Variants in CNTNAP2 observed in about 807,000 individuals in gnomAD.
The protein encoded by CNTNAP2 is contactin-associated protein-like 2.
A neutral mutation model predicts 155.2 loss-of-function variants in CNTNAP2; 98 were observed. That is an observed-to-expected ratio of 0.63 (90% CI 0.54 to 0.75). The LOEUF (loss-of-function observed/expected upper bound fraction) is 0.75. Among genes scored for constraint, CNTNAP2 ranks in the 30% least tolerant of loss-of-function variants. The probability of loss-of-function intolerance (pLI) is 0.00; values close to 1 mark genes in which losing one functional copy is unlikely to be tolerated. For synonymous variants in CNTNAP2, 651 were observed against 631.2 expected (o/e 1.03, Z -0.47); for missense variants, 1,727 against 1,688.1 (o/e 1.02, Z -0.40).
At chr7:146,651,759 G>A (rs1200250346) in intron 1 of CNTNAP2, among the ~76,000 whole-genome samples, 1 of 152,112 alleles carries the variant, frequency 6.6e-6, no homozygotes, top group Non-Finnish European at 1.5e-5. Context: ...ATTCATCTGG[G>A]CATAAATTGC....
At chr7:148,073,775 T>A (rs1290904614) in intron 15 of CNTNAP2, among the ~76,000 whole-genome samples, 2 of 152,138 alleles carry the variant, frequency 1.3e-5, no homozygotes, top group Non-Finnish European at 2.9e-5. Context: ...TATGTGTTTT[T>A]TTTTTCAATA....
At chr7:146,640,474 C>G (rs1797015397) in intron 1 of CNTNAP2, among the ~76,000 whole-genome samples, 1 of 152,162 alleles carries the variant, frequency 6.6e-6, no homozygotes, top group African/African-American at 2.4e-5. Context: ...AAAGATATGT[C>G]AATTCTCCTT....
chr7:147,183,765 A>G lies in CNTNAP2; in HGVS notation c.1348+51256A>G, dbSNP rs185960713. On this transcript the variant is annotated intron_variant, in intron 8 of 23. Transcript: ENST00000361727. ...CAGACTGACTCTGGGGATAGTCTCC[A>G]TGGTCTCAGAATGGAGATTACTACC... Among the ~76,000 whole-genome samples, 51 of 152,224 alleles carry G rather than the reference A, an allele frequency of 3.4e-4. No homozygotes were observed. The South Asian group carries it at 0.01, about 30-fold the overall frequency.
rs201073723 is a variant in CNTNAP2, at chr7:148,390,475, G to GC, written c.3715+6587_3715+6588insC. Among the ~76,000 whole-genome samples, 1,409 of 152,296 alleles carry GC rather than the reference G, an allele frequency of 9.3e-3. 12 individuals carry two copies. The highest frequency in any genetic ancestry group is 0.037 in the Middle Eastern group (11 of 294). On this transcript the variant is annotated intron_variant, in intron 22 of 23. Transcript: ENST00000361727. ...CTGTGCTTTTCTGAAAATACAGCAG[G>GC]TGCCTTGCTGTGAAGAGTAAGGAAT...
chr7:148,372,715 A>T (rs1259327219), intron 21 of CNTNAP2, among the ~76,000 whole-genome samples: 3 of 152,152 alleles, frequency 2.0e-5, no homozygotes, highest in Admixed American at 1.3e-4. Flanking sequence ...CCATCTCAAA[A>T]TAAATAAATA....
chr7:148,057,152 A>T (rs1322798349), intron 15 of CNTNAP2, among the ~76,000 whole-genome samples: 1 of 152,176 alleles, frequency 6.6e-6, no homozygotes, highest in Non-Finnish European at 1.5e-5. Context: ...TGTTGTTAAC[A>T]TAGTTTAGAA....
At chr7:146,242,356 G>T (rs1170136596) in intron 1 of CNTNAP2, among the ~76,000 whole-genome samples, 1 of 152,018 alleles carries the variant, frequency 6.6e-6, no homozygotes, top group Non-Finnish European at 1.5e-5. Flanking sequence ...TGGCCAACAT[G>T]GTGAAACCCC....
chr7:146,440,030 A>G (rs1306798265), intron 1 of CNTNAP2, among the ~76,000 whole-genome samples: 2 of 150,774 alleles, frequency 1.3e-5, no homozygotes, highest in Non-Finnish European at 2.9e-5. Flanking sequence ...AAGCTGTGGC[A>G]GGAGAATCGC....
chr7:147,735,278 T>C (rs1374387357), intron 13 of CNTNAP2, among the ~76,000 whole-genome samples: 3 of 152,220 alleles, frequency 2.0e-5, no homozygotes, highest in African/African-American at 7.2e-5. Context: ...TTTTATTATG[T>C]ACTTAGTAGT....
chr7:146,914,829 G>GT (rs1160478226), intron 3 of CNTNAP2, among the ~76,000 whole-genome samples: 4 of 151,348 alleles, frequency 2.6e-5, no homozygotes, highest in East Asian at 3.9e-4. Flanking sequence ...ATTTATCTTT[G>GT]TTTTTTTGTT....
intron 1 of CNTNAP2, among the ~76,000 whole-genome samples, chr7:146,221,827 A>G (rs1029770883): frequency 3.3e-5 from 5 of 152,206 alleles, no homozygotes; most frequent in Admixed American, 2.0e-4. Flanking sequence ...AAGACAAACT[A>G]TATTTTGCTA....
At chr7:146,360,795 C>A (rs1046951605) in intron 1 of CNTNAP2, among the ~76,000 whole-genome samples, 2 of 152,126 alleles carry the variant, frequency 1.3e-5, no homozygotes, top group Non-Finnish European at 2.9e-5. Flanking sequence ...AATGGATATT[C>A]TCCAGGTGTT....
chr7:147,435,033 A>G (rs1463219587), intron 10 of CNTNAP2, among the ~76,000 whole-genome samples: 1 of 152,206 alleles, frequency 6.6e-6, no homozygotes, highest in East Asian at 1.9e-4. Context: ...AGGCAACAGG[A>G]CAGTGAAAAA....
At chr7:148,321,048 C>A (rs776485881) in intron 21 of CNTNAP2, among the ~76,000 whole-genome samples, 2 of 151,924 alleles carry the variant, frequency 1.3e-5, no homozygotes, top group Non-Finnish European at 2.9e-5. Flanking sequence ...CCAGAGAGAC[C>A]CAGGAAACAT....
intron 11 of CNTNAP2, among the ~76,000 whole-genome samples, chr7:147,533,600 A>T (rs902360829): frequency 7.3e-5 from 10 of 136,972 alleles, no homozygotes; most frequent in Middle Eastern, 3.8e-3. Flanking sequence ...AGCTTTATTT[A>T]AAAAAAAAAA....
intron 9 of CNTNAP2, among the ~76,000 whole-genome samples, chr7:147,343,525 A>C (rs1795798127): frequency 6.6e-6 from 1 of 152,106 alleles, no homozygotes; most frequent in Non-Finnish European, 1.5e-5. Context: ...ACACTAGAGA[A>C]AGCCTTTATT....
intron 3 of CNTNAP2, among the ~76,000 whole-genome samples, chr7:146,932,531 C>G (rs1360588831): frequency 1.3e-5 from 2 of 152,126 alleles, no homozygotes; most frequent in Non-Finnish European, 2.9e-5. Context: ...TGGCACAAGA[C>G]AGGGATGCCC....
At chr7:146,663,856 C>T (rs114624054) in intron 1 of CNTNAP2, among the ~76,000 whole-genome samples, 2,770 of 151,904 alleles carry the variant, frequency 0.018, 86 homozygotes, top group African/African-American at 0.063. Flanking sequence ...TTTATTTATT[C>T]ATTTATTTAT....
chr7:147,996,315 A>G (rs971584114), intron 15 of CNTNAP2, among the ~76,000 whole-genome samples: 2 of 152,182 alleles, frequency 1.3e-5, no homozygotes, highest in Non-Finnish European at 2.9e-5. Flanking sequence ...TCTTATCAAC[A>G]TGCAGATTCC....
Sources: allele counts gnomAD v4.1 joint callset (sites outside exome capture counted in the v4.1 genomes callset), GRCh38; gene constraint gnomAD v4.1.1; transcripts MANE v1.5; gene names NCBI Gene and HGNC (gene_info 2026-07-23, HGNC 2026-07-21).